Variants in UNC13C observed in about 807,000 individuals in gnomAD.
The protein encoded by UNC13C is protein unc-13 homolog C.
A neutral mutation model predicts 245.4 loss-of-function variants in UNC13C; 174 were observed. The ratio of observed to expected loss-of-function variants is 0.71; its 90% CI spans 0.63 to 0.80. The LOEUF is 0.80. Ranked by LOEUF, UNC13C falls within the 30% of genes least tolerant of loss-of-function variation. The pLI is 0.00. For synonymous variants in UNC13C, 992 were observed against 895.1 expected (o/e 1.11, Z -1.93); for missense variants, 2,829 against 2,602.9 (o/e 1.09, Z -1.89).
chr15:54,005,410 A>G lies in UNC13C; in HGVS notation c.-256-7238A>G, dbSNP rs920879047. Among the ~76,000 whole-genome samples, 185 of 152,252 alleles carry G rather than the reference A, an allele frequency of 1.2e-3. 2 individuals are homozygous for G. The highest frequency in any genetic ancestry group is 2.2e-4 in the Non-Finnish European group (15 of 68,018). ...TGCAATGCTGGCTGCATCACTTCCAAGCTATGTGGCTTTGGACTAGATACT... is the reference window on the plus strand; with the variant it reads ...TGCAATGCTGGCTGCATCACTTCCAGGCTATGTGGCTTTGGACTAGATACT... On this transcript the variant is annotated intron_variant, in intron 1 of 32. Transcript: ENST00000260323.
intron 13 of UNC13C, among the ~76,000 whole-genome samples, chr15:54,304,669 A>AAC: frequency 6.6e-6 from 1 of 151,628 alleles, no homozygotes; most frequent in Non-Finnish European, 1.5e-5. Flanking sequence ...AAAAAAAAAA[A>AAC]AAACCCTTAC....
chr15:54,256,140 GAA>G (rs1165514085), intron 8 of UNC13C, among the ~76,000 whole-genome samples: 3 of 152,156 alleles, frequency 2.0e-5, no homozygotes, highest in African/African-American at 7.2e-5. Flanking sequence ...CCTCATCTGT[GAA>G]AACAGTTAAT....
At chr15:54,006,158 AC>A (rs1460343534) in intron 1 of UNC13C, among the ~76,000 whole-genome samples, 1 of 152,164 alleles carries the variant, frequency 6.6e-6, no homozygotes, top group African/African-American at 2.4e-5. Context: ...GAGATAAACC[AC>A]ACAAAAGGAC....
chr15:54,060,701 A>G (rs562028050), intron 2 of UNC13C, among the ~76,000 whole-genome samples: 143 of 152,254 alleles, frequency 9.4e-4, no homozygotes, highest in Middle Eastern at 3.4e-3. Context: ...CACAATAGCA[A>G]AGACTTGGAA....
At chr15:54,582,632 C>T (rs1006459367) in intron 30 of UNC13C, among the ~76,000 whole-genome samples, 11 of 151,974 alleles carry the variant, frequency 7.2e-5, no homozygotes, top group Admixed American at 3.3e-4. Context: ...CTGGTTAGCT[C>T]CTCAAAAGGC....
At chr15:53,884,287 A>G in the UNC13C span, among the ~76,000 whole-genome samples, 1 of 151,872 alleles carries the variant, frequency 6.6e-6, no homozygotes, top group South Asian at 2.1e-4. Flanking sequence ...CCATCAGGCA[A>G]TTTTCTCAGT....
chr15:54,319,907 T>G (rs1201605040), intron 13 of UNC13C, among the ~76,000 whole-genome samples: 1 of 152,036 alleles, frequency 6.6e-6, no homozygotes, highest in Non-Finnish European at 1.5e-5. Flanking sequence ...GTAACAAACT[T>G]GGACCCTTGA....
intron 19 of UNC13C, among the ~76,000 whole-genome samples, chr15:54,477,727 AT>A (rs1892844839): frequency 6.9e-6 from 1 of 145,250 alleles, no homozygotes; most frequent in Admixed American, 6.9e-5. Context: ...TTTATTGAGG[AT>A]TTTTGCATCA....
chr15:53,843,435 CT>C, the UNC13C span, among the ~76,000 whole-genome samples: 1,021 of 152,258 alleles, frequency 6.7e-3, 6 homozygotes, highest in Non-Finnish European at 9.6e-3. Context: ...GCACTCCAAC[CT>C]GGGCAGCAGA....
chr15:54,385,676 A>G (rs1268563089), intron 17 of UNC13C, among the ~76,000 whole-genome samples: 1 of 152,072 alleles, frequency 6.6e-6, no homozygotes, highest in African/African-American at 2.4e-5. Context: ...CAATAATATT[A>G]TGCACATTTC....
chr15:54,068,900 T>G (rs1047971886), intron 2 of UNC13C, among the ~76,000 whole-genome samples: 3 of 152,150 alleles, frequency 2.0e-5, no homozygotes, highest in Non-Finnish European at 4.4e-5. Context: ...ATTATATCTA[T>G]TTTAGGCATT....
At chr15:54,362,886 G>A (rs538115797) in intron 17 of UNC13C, among the ~76,000 whole-genome samples, 1 of 152,314 alleles carries the variant, frequency 6.6e-6, no homozygotes, top group Non-Finnish European at 1.5e-5. Context: ...CTTCTAGGAT[G>A]AGAAGAAGGC....
chr15:54,456,499 ATTTG>A (rs1263895038), intron 19 of UNC13C, among the ~76,000 whole-genome samples: 9 of 151,742 alleles, frequency 5.9e-5, no homozygotes, highest in Non-Finnish European at 1.3e-4. Context: ...ATATGTTTCA[ATTTG>A]TTTGTATCAT....
In UNC13C at chr15:54,027,454, C is replaced by T. The variant is rs78308851; in HGVS notation, c.2983+11568C>T. On this transcript the variant is annotated intron_variant, in intron 2 of 32. Coordinates refer to ENST00000260323, the MANE Select transcript of UNC13C (RefSeq NM_001080534.3). Reference sequence around the variant, plus strand: ...CAGGATCTCGGCTCACTGCAACCTCCACCCCTCCGGATTCAAGTGATTTTC... The same window carrying T: ...CAGGATCTCGGCTCACTGCAACCTCTACCCCTCCGGATTCAAGTGATTTTC... 2.2e-4 allele frequency among the ~76,000 whole-genome samples: 33 copies of T among 152,244 alleles called. No homozygotes were observed. In the East Asian group the frequency reaches 5.8e-3, roughly 27 times the overall value.
chr15:54,349,317 A>T (rs1432633064), intron 17 of UNC13C, among the ~76,000 whole-genome samples: 1 of 151,614 alleles, frequency 6.6e-6, no homozygotes, highest in Non-Finnish European at 1.5e-5. Flanking sequence ...CAGAGCCTGA[A>T]AAATGACTAG....
chr15:54,277,526 C>T (rs1055001938), intron 10 of UNC13C, among the ~76,000 whole-genome samples: 26 of 152,104 alleles, frequency 1.7e-4, no homozygotes, highest in African/African-American at 6.3e-4. Flanking sequence ...CCTAAGGCGC[C>T]CTCTGGCATT....
the UNC13C span, among the ~76,000 whole-genome samples, chr15:53,906,321 A>C: frequency 6.6e-6 from 1 of 152,152 alleles, no homozygotes; most frequent in Non-Finnish European, 1.5e-5. Context: ...CTGTCTCAAA[A>C]AAAGAAGTCT....
Position 54,130,072 on chromosome 15 carries a change from T to C in UNC13C, c.2984-12946T>C, listed in dbSNP as rs1024351154. 1.1e-4 allele frequency among the ~76,000 whole-genome samples: 14 copies of C among 129,212 alleles called. No individual in the cohort carries two copies. The East Asian group carries it at 3.1e-3, about 29-fold the overall frequency. The allele number at this position is 129,212 out of a possible 152,430, so 84.8% of individuals were successfully genotyped here. A position where few individuals can be genotyped will look rare whatever the true frequency, so the allele number is the denominator to read the frequency against. On this transcript the variant is annotated intron_variant, in intron 2 of 32. Transcript: ENST00000260323. ...ATGTGATGTGTTTTAGTGCATTTAGTTTTAATTTTTATTAATGTTTTATCA... is the reference window on the plus strand; with the variant it reads ...ATGTGATGTGTTTTAGTGCATTTAGCTTTAATTTTTATTAATGTTTTATCA...
chr15:54,533,153 T>G, intron 26 of UNC13C, 87 bp downstream of exon 26: 1 of 988,172 alleles, frequency 1.0e-6, no homozygotes, highest in Non-Finnish European at 1.5e-6. Flanking sequence ...TTCCTCTGTG[T>G]AAGGTAGCAT....
Sources: gnomAD v4.1 joint callset for allele counts (sites outside exome capture counted in the v4.1 genomes callset) on GRCh38, gnomAD v4.1.1 for gene constraint, MANE v1.5 for transcripts, NCBI Gene and HGNC (gene_info 2026-07-23, HGNC 2026-07-21) for gene names.